CCDC30: variants seen among roughly 807,000 people sequenced by gnomAD.
CCDC30 encodes coiled-coil domain-containing protein 30.
CCDC30 carries 70 observed loss-of-function variants against 100.2 expected under a neutral mutation model. The ratio of observed to expected loss-of-function variants is 0.70; its 90% CI spans 0.58 to 0.85. The LOEUF is 0.85. Ranked by LOEUF, CCDC30 falls within the 40% of genes least tolerant of loss-of-function variation. The pLI is 0.00. For missense variants in CCDC30, 652 were observed against 771.2 expected (o/e 0.85, Z 1.83); for synonymous variants, 233 against 269.5 (o/e 0.86, Z 1.33).
chr1:42,546,917 T>C (rs1361393342), intron 6 of CCDC30, among the ~76,000 whole-genome samples: 1 of 152,204 alleles, frequency 6.6e-6, no homozygotes, highest in Non-Finnish European at 1.5e-5. Context: ...ATGATGTCAA[T>C]TTTGACATAT....
At chr1:42,575,360 A>G (rs1356900245) in intron 7 of CCDC30, among the ~76,000 whole-genome samples, 1 of 152,106 alleles carries the variant, frequency 6.6e-6, no homozygotes, top group African/African-American at 2.4e-5. Flanking sequence ...AATTAAAAAC[A>G]TAGTCTTGGC....
intron 6 of CCDC30, among the ~76,000 whole-genome samples, chr1:42,551,354 G>A (rs1252800070): frequency 6.6e-6 from 1 of 152,174 alleles, no homozygotes; most frequent in Non-Finnish European, 1.5e-5. Context: ...TTGAAGACTG[G>A]TGACAATTGC....
chr1:42,466,037 AT>A (rs1302026706), intron 1 of CCDC30, among the ~76,000 whole-genome samples: 2 of 152,120 alleles, frequency 1.3e-5, no homozygotes, highest in African/African-American at 4.8e-5. Flanking sequence ...AAGTATACTA[AT>A]TTTATTTGGG....
At chr1:42,628,806 T>A (rs186885948) in intron 11 of CCDC30, among the ~76,000 whole-genome samples, 37 of 152,328 alleles carry the variant, frequency 2.4e-4, no homozygotes, top group African/African-American at 8.2e-4. Flanking sequence ...GTTTTGAGTA[T>A]GTATTTATCA....
intron 4 of CCDC30, among the ~76,000 whole-genome samples, chr1:42,493,692 C>A (rs1326000439): frequency 6.6e-6 from 1 of 152,056 alleles, no homozygotes; most frequent in Non-Finnish European, 1.5e-5. Flanking sequence ...AAACTTTTAG[C>A]TAGATTGGTC....
At position 42,566,461 on chromosome 1, in the gene CCDC30, G is replaced by T. The variant is rs936621875; in HGVS notation, c.622G>T (p.Glu208Ter). The change falls in exon 7 of 17, where the codon GAA becomes TAA. Residue 208 changes from glutamate (E) to a stop codon, truncating the protein, a stop_gained. Transcript: ENST00000668663. LOFTEE classifies it high-confidence loss of function. ...AAAGCAACATAATAGCTTACTTCAG[G>T]AAGAAAACATTAAGGTAACTCTTGT... The T allele has an allele frequency of 1.9e-6, 3 of 1,613,138 alleles. No homozygotes were observed. The highest frequency in any genetic ancestry group is 1.7e-6 in the Non-Finnish European group (2 of 1,179,516).
intron 4 of CCDC30, among the ~76,000 whole-genome samples, chr1:42,493,529 G>C (rs1644180223): frequency 6.6e-6 from 1 of 152,164 alleles, no homozygotes; most frequent in Non-Finnish European, 1.5e-5. Flanking sequence ...AGAGGTTGCA[G>C]TGACCGGAGA....
rs1646297779 is a variant in CCDC30, at chr1:42,596,794, C to T, written c.1164+7311C>T. ...TGAACAGACAGAGCAAGCATTAGAA[C>T]CAGGCTCAGATACAGCAGGAATATT... is the stretch of plus-strand genomic sequence containing the variant. On this transcript the variant is annotated intron_variant, in intron 10 of 16. Coordinates refer to ENST00000668663, the Ensembl canonical transcript of CCDC30. The surrounding 1 kb of genome is among the most constrained non-coding windows in gnomAD (Gnocchi z 4.3). Among the ~76,000 whole-genome samples the T allele has an allele frequency of 6.6e-6, 1 of 151,922 alleles. No homozygotes were observed.
chr1:42,642,554 G>C, exon 13 of CCDC30: 1 of 1,604,680 alleles, frequency 6.2e-7, no homozygotes, highest in South Asian at 1.1e-5. Context: ...GCAAGTCATA[G>C]AGCAAGAACA....
At chr1:42,459,439 G>T (rs1397224847), upstream of CCDC30, 6 of 675,498 alleles carry the variant, frequency 8.9e-6, no homozygotes, top group Non-Finnish European at 1.2e-5. Context: ...GGGATTACAG[G>T]CCAAGCCACT....
At chr1:42,538,509 G>A (rs1644952325) in intron 6 of CCDC30, among the ~76,000 whole-genome samples, 2 of 151,772 alleles carry the variant, frequency 1.3e-5, no homozygotes, top group African/African-American at 2.4e-5. Flanking sequence ...ACAGGAGGAT[G>A]GTTTGAGCCC....
chr1:42,509,190 C>T (rs1467412522), intron 6 of CCDC30, among the ~76,000 whole-genome samples: 1 of 152,158 alleles, frequency 6.6e-6, no homozygotes, highest in Admixed American at 6.5e-5. Context: ...AGCCCCAAAG[C>T]TGCCCTTCCC....
intron 8 of CCDC30, among the ~76,000 whole-genome samples, chr1:42,579,200 C>T (rs1387015127): frequency 3.3e-5 from 5 of 151,940 alleles, no homozygotes; most frequent in African/African-American, 4.8e-5. Context: ...CCATGTTGGC[C>T]GGGATGGTCT....
chr1:42,613,479 G>C (rs1216445645), intron 11 of CCDC30, among the ~76,000 whole-genome samples: 2 of 151,960 alleles, frequency 1.3e-5, no homozygotes, highest in African/African-American at 2.4e-5. Flanking sequence ...GGATGGTCTC[G>C]ATCTTCTGAC....
intron 10 of CCDC30, chr1:42,594,491 G>A (rs1646247179): frequency 6.6e-6 from 1 of 152,232 alleles, no homozygotes; most frequent in Non-Finnish European, 1.5e-5. Context: ...TGCAGCCTGG[G>A]TGACAGAGTG....
chr1:42,513,579 T>G (rs1045444946), intron 6 of CCDC30, among the ~76,000 whole-genome samples: 18 of 152,208 alleles, frequency 1.2e-4, no homozygotes, highest in Non-Finnish European at 2.4e-4. Flanking sequence ...AGTTTTCAGT[T>G]TGCTTGTCTA....
intron 6 of CCDC30, among the ~76,000 whole-genome samples, chr1:42,516,615 C>CT (rs1316852335): frequency 6.6e-6 from 1 of 150,632 alleles, no homozygotes; most frequent in African/African-American, 2.4e-5. Context: ...TGGTTTCTCT[C>CT]TTGCCTTCTC....
At chr1:42,645,986 A>C (rs1647849745) in intron 14 of CCDC30, 149 bp from the exon 19 acceptor site, 2 of 1,087,530 alleles carry the variant, frequency 1.8e-6, no homozygotes, top group Admixed American at 2.8e-5. Context: ...TGCGATCCAT[A>C]TTGTTAACCT....
At chr1:42,521,436 G>GT (rs1380133283) in intron 6 of CCDC30, among the ~76,000 whole-genome samples, 2 of 152,118 alleles carry the variant, frequency 1.3e-5, no homozygotes, top group Non-Finnish European at 2.9e-5. Context: ...TATGATATCT[G>GT]TTTTTTAAAA....
Sources: allele counts gnomAD v4.1 joint callset (sites outside exome capture counted in the v4.1 genomes callset), GRCh38; gene constraint gnomAD v4.1.1; non-coding constraint Gnocchi (gnomAD v3.1); transcripts MANE v1.5; gene names NCBI Gene and HGNC (gene_info 2026-07-23, HGNC 2026-07-21).